DAXX: variants seen among roughly 807,000 people sequenced by gnomAD.
DAXX encodes the protein death domain-associated protein 6.
A neutral mutation model predicts 61.9 loss-of-function variants in DAXX; 24 were observed. The ratio of observed to expected loss-of-function variants is 0.39; its 90% CI spans 0.28 to 0.55. DAXX has a LOEUF of 0.55. Among genes scored for constraint, DAXX ranks in the 20% least tolerant of loss-of-function variants. The pLI, the probability that DAXX is intolerant of heterozygous loss-of-function variation, is 0.69. For missense variants in DAXX, 819 were observed against 935.3 expected (o/e 0.88, Z 1.62); for synonymous variants, 357 against 369.5 (o/e 0.97, Z 0.39).
rs1281765775 is a variant in DAXX at position 33,320,246 on chromosome 6, CT to C, written c.1252-23del. The C allele has an allele frequency of 6.4e-7, 1 of 1,572,916 alleles. No homozygotes were observed. Among genetic ancestry groups the C allele is most frequent in the African/African-American group, 1.4e-5 (1 of 74,030 alleles). On this transcript the variant is annotated intron_variant, in intron 4 of 7. Coordinates refer to ENST00000374542, the MANE Select transcript of DAXX (RefSeq NM_001141969.2). The surrounding 1 kb of genome is among the most constrained non-coding windows in gnomAD (Gnocchi z 7.1). ...GGCCCTGGGAGACAAAGAAGTTTCT[CT>C]AAGGAATCCCTTGCCCCAGAGGGTT... is the stretch of plus-strand genomic sequence containing the variant.
In DAXX at chr6:33,320,426, G is replaced by C. The variant is rs1195948822; in HGVS notation, c.1205C>G (p.Ser402Cys). 2 of 1,613,924 alleles carry C rather than the reference G, an allele frequency of 1.2e-6. No homozygotes were observed. The highest frequency in any genetic ancestry group is 1.7e-4 in the Middle Eastern group (1 of 6,060). Residue 402 changes from serine (S) to cysteine (C), a missense_variant, in exon 4 of 8, where the codon TCT (serine) becomes TGT (cysteine). Physicochemically the swap from Ser to Cys is moderately radical, Grantham distance 112. Transcript: ENST00000374542. This position sits in a 1 kb window ranked among gnomAD's most constrained non-coding sequence, Gnocchi z 7.1. ...TTCGGGGGTGTCTGCAGAGTGGGAAGAGGTGCCTTGGAGCCGAGCTCTTCT... is the reference window on the plus strand; with the variant it reads ...TTCGGGGGTGTCTGCAGAGTGGGAACAGGTGCCTTGGAGCCGAGCTCTTCT... Reference protein sequence around the residue: ...KKRRARLQGTSSHSADTPEAS... With the variant: ...KKRRARLQGTCSHSADTPEAS...
chr6:33,318,586 TTAA>T lies in DAXX; in HGVS notation c.*154_*156del, dbSNP rs1386211576. 4.4e-6 allele frequency: 2 copies of T among 453,200 alleles called. No homozygotes were observed. The highest frequency in any genetic ancestry group is 7.8e-6 in the Non-Finnish European group (2 of 255,244). The allele number at this position is 453,200 out of a possible 1,614,324, so 28.1% of individuals were successfully genotyped here. A position where few individuals can be genotyped will look rare whatever the true frequency, so the allele number is the denominator to read the frequency against. On this transcript the variant is annotated 3_prime_UTR_variant, in exon 8 of 8. Coordinates refer to ENST00000374542, the MANE Select transcript of DAXX (RefSeq NM_001141969.2). ...AGTAAGAAAAGAACTTTATTGTTTATTAATGTTTCTGTGTAAAACTTAAGCTTT... is the reference window on the plus strand; with the variant it reads ...AGTAAGAAAAGAACTTTATTGTTTATTGTTTCTGTGTAAAACTTAAGCTTT...
chr6:33,321,680 C>G lies in DAXX; in HGVS notation c.207+39G>C. 6.2e-7 allele frequency: 1 copy of G among 1,604,650 alleles called. No homozygotes were observed. The highest frequency in any genetic ancestry group is 8.5e-7 in the Non-Finnish European group (1 of 1,173,512). On this transcript the variant is annotated intron_variant, in intron 2 of 7. Transcript: ENST00000374542. The surrounding 1 kb of genome is among the most constrained non-coding windows in gnomAD (Gnocchi z 7.2). ...GACAGGAGAACCAGTCAGCCATCCC[C>G]CTCCCTGGGGTACAACAATCTTCCC...
At position 33,321,977 on chromosome 6, in the gene DAXX, G is replaced by A; in HGVS notation, c.-52C>T. On this transcript the variant is annotated splice_region_variant and 5_prime_UTR_variant, in exon 2 of 8. Transcript: ENST00000374542. This position sits in a 1 kb window ranked among gnomAD's most constrained non-coding sequence, Gnocchi z 7.2. ...AAGTGGTGGGGATTTCAGAATTCCT[G>A]CTGGAAGGGGATGGGGCCTCAGAAT... 6.4e-6 allele frequency: 10 copies of A among 1,568,046 alleles called. No homozygotes were observed. The highest frequency in any genetic ancestry group is 8.6e-6 in the Non-Finnish European group (10 of 1,157,650).
chr6:33,320,611 G>A lies in DAXX; in HGVS notation c.1040-20C>T. 1.9e-6 allele frequency: 3 copies of A among 1,611,458 alleles called. No homozygotes were observed. The highest frequency in any genetic ancestry group is 2.5e-6 in the Non-Finnish European group (3 of 1,178,674). On this transcript the variant is annotated intron_variant, in intron 3 of 7. Coordinates refer to ENST00000374542, the MANE Select transcript of DAXX (RefSeq NM_001141969.2). This position sits in a 1 kb window ranked among gnomAD's most constrained non-coding sequence, Gnocchi z 7.1. ...CAACGCCTACGTGGGAAGACATAAAGTCAGAGCACTCAGCCCTTGAAGGGA... is the reference window on the plus strand; with the variant it reads ...CAACGCCTACGTGGGAAGACATAAAATCAGAGCACTCAGCCCTTGAAGGGA...
At chr6:33,322,796 C>T in intron 1 of DAXX, 66 bp downstream of exon 1, 1 of 772,746 alleles carries the variant, frequency 1.3e-6, no homozygotes, top group Non-Finnish European at 2.1e-6. Flanking sequence ...GCGCCCAGCT[C>T]TCCCCAATAC....
chr6:33,319,990 G>C (rs561526683), intron 5 of DAXX, 21 bp downstream of exon 5: 1 of 1,613,860 alleles, frequency 6.2e-7, no homozygotes, highest in East Asian at 2.2e-5. Context: ...GACAGGTGAG[G>C]AGAATGTTCC....
In DAXX at chr6:33,319,785, T is replaced by C; in HGVS notation, c.1535A>G (p.Lys512Arg). 1.2e-6 allele frequency: 2 copies of C among 1,614,228 alleles called. No individual in the cohort carries two copies. Among genetic ancestry groups the C allele is most frequent in the Non-Finnish European group, 1.7e-6 (2 of 1,180,044 alleles). ...CTCCCCTGAAGATCTGCTGATCTGT[T>C]TGCCAGGTTCCAGGTTCTTTTCATT... ...ISNEKNLEPG[K>R]QISRSSGEQQ... is the part of the protein sequence containing the mutation. The change falls in exon 6 of 8, where the codon AAA (lysine) becomes AGA (arginine). Residue 512 changes from lysine to arginine, a missense_variant. Transcript: ENST00000374542.
rs1358546342 is a variant in DAXX, at chr6:33,320,646, T to C, written c.1040-55A>G. 2.0e-5 allele frequency: 32 copies of C among 1,603,064 alleles called. No homozygotes were observed. The highest frequency in any genetic ancestry group is 2.7e-5 in the Non-Finnish European group (32 of 1,174,338). On this transcript the variant is annotated intron_variant, in intron 3 of 7. Coordinates refer to ENST00000374542, the MANE Select transcript of DAXX (RefSeq NM_001141969.2). The surrounding 1 kb of genome is among the most constrained non-coding windows in gnomAD (Gnocchi z 7.1). ...TCAGCCCTTGAAGGGACTAGAAGAG[T>C]AAAAACCCTAGAAAGGACTAGAGAG...
rs762240849 is a variant in DAXX, at chr6:33,320,120, TTCCTCC to T, written c.1350_1355del (p.Glu456_Glu457del). ...AATCTGTGGCCTCCTCCTCTTCTTCTTCCTCCTCCTCCTCCTCTTCCTCATCACTCT... is the reference window on the plus strand; with the variant it reads ...AATCTGTGGCCTCCTCCTCTTCTTCTTCCTCCTCCTCTTCCTCATCACTCT... On this transcript the variant is annotated inframe_deletion, in exon 5 of 8. Transcript: ENST00000374542. This position sits in a 1 kb window ranked among gnomAD's most constrained non-coding sequence, Gnocchi z 7.1. 4.3e-5 allele frequency: 69 copies of T among 1,613,294 alleles called. No homozygotes were observed. In the African/African-American group the frequency reaches 5.7e-4, roughly 13 times the overall value.
rs1247606795 is a variant in DAXX, at chr6:33,320,268, G to T, written c.1252-44C>A. On this transcript the variant is annotated intron_variant, in intron 4 of 7. Transcript: ENST00000374542. The surrounding 1 kb of genome is among the most constrained non-coding windows in gnomAD (Gnocchi z 7.1). ...TCTCTAAGGAATCCCTTGCCCCAGAGGGTTTGGTTCTTGCTTTCCTTCTCA... is the reference window on the plus strand; with the variant it reads ...TCTCTAAGGAATCCCTTGCCCCAGATGGTTTGGTTCTTGCTTTCCTTCTCA... 6.5e-7 allele frequency: 1 copy of T among 1,531,682 alleles called. No homozygotes were observed. Among genetic ancestry groups the T allele is most frequent in the East Asian group, 2.2e-5 (1 of 44,458 alleles). The allele number at this position is 1,531,682 out of a possible 1,614,324, so 94.9% of individuals were successfully genotyped here.
At chr6:33,318,832 A>G (rs756766573) in intron 7 of DAXX, 30 bp from the exon 8 acceptor site, 21 of 1,377,892 alleles carry the variant, frequency 1.5e-5, no homozygotes, top group Non-Finnish European at 3.0e-6. Flanking sequence ...AAAGAGTCAA[A>G]GAGATCTGGA....
At chr6:33,322,740 T>A in intron 1 of DAXX, 122 bp downstream of exon 1, 160 of 172,384 alleles carry the variant, frequency 9.3e-4, no homozygotes, top group East Asian at 1.8e-3. Flanking sequence ...GCCGCTCCAC[T>A]CCCTTTCAGG....
rs151039809 is a variant in DAXX at position 33,319,663 on chromosome 6, C to T, written c.1657G>A (p.Glu553Lys). Residue 553 changes from glutamate (E) to lysine (K), a missense_variant, in exon 6 of 8, where the codon GAG (glutamate) becomes AAG (lysine). Coordinates refer to ENST00000374542, the MANE Select transcript of DAXX (RefSeq NM_001141969.2). ...CTTTCTTCCTCCAGGGTCAGCTCCT[C>T]AGGCTGTTCTCCATTGCTTTCAGCA... ...IDAESNGEQPEELTLEEESPV... is the reference protein window; with the variant it reads ...IDAESNGEQPKELTLEEESPV... 6.6e-4 allele frequency: 1,067 copies of T among 1,614,044 alleles called. 1 individual carries two copies. Among genetic ancestry groups the T allele is most frequent in the Non-Finnish European group, 7.9e-4 (933 of 1,179,974 alleles).
At position 33,321,085 on chromosome 6, in the gene DAXX, A is replaced by C. The variant is rs1350083129; in HGVS notation, c.690T>G (p.Arg230=). 3.7e-6 allele frequency: 6 copies of C among 1,613,256 alleles called. No homozygotes were observed. Among genetic ancestry groups the C allele is most frequent in the Middle Eastern group, 1.6e-4 (1 of 6,062 alleles). ...GTCGCCCAAAGAGGCGGATCAGCTT[A>C]CGCTTCAACCGTGCCTCCTGCAGGT... ...SAYLQEARLK[R]KLIRLFGRLC... is the part of the protein sequence containing the mutation. The change falls in exon 3 of 8, where the codon CGT becomes CGG. Residue 230 remains arginine, a synonymous_variant. Transcript: ENST00000374542. This position sits in a 1 kb window ranked among gnomAD's most constrained non-coding sequence, Gnocchi z 7.2.
Position 33,319,650 on chromosome 6 carries a change from A to G in DAXX, c.1670T>C (p.Leu557Pro), listed in dbSNP as rs1400373622. 1 of 1,614,024 alleles carries G rather than the reference A, an allele frequency of 6.2e-7. No homozygotes were observed. The highest frequency in any genetic ancestry group is 1.3e-5 in the African/African-American group (1 of 74,922). Reference protein sequence around the residue: ...SNGEQPEELTLEEESPVSQLF... With the variant: ...SNGEQPEELTPEEESPVSQLF... ...CTGAGACACAGGGCTTTCTTCCTCC[A>G]GGGTCAGCTCCTCAGGCTGTTCTCC... Residue 557 changes from leucine (L) to proline (P), a missense_variant, in exon 6 of 8, where the codon CTG becomes CCG. Physicochemically the swap from Leu to Pro is moderately conservative, Grantham distance 98. Coordinates refer to ENST00000374542, the MANE Select transcript of DAXX (RefSeq NM_001141969.2).
At chr6:33,322,389 C>A (rs1770742951) in intron 1 of DAXX, among the ~76,000 whole-genome samples, 1 of 152,102 alleles carries the variant, frequency 6.6e-6, no homozygotes, top group African/African-American at 2.4e-5. Context: ...CAACCCCACA[C>A]CCACCCTATC....
Position 33,320,402 on chromosome 6 carries a change from T to C in DAXX, c.1229A>G (p.Glu410Gly), listed in dbSNP as rs1392135711. 1 of 1,612,550 alleles carries C rather than the reference T, an allele frequency of 6.2e-7. No homozygotes were observed. The highest frequency in any genetic ancestry group is 1.7e-5 in the Admixed American group (1 of 60,018). ...GTSSHSADTP[E>G]ASLDSGEGPS... ...CACCTCACCAGAATCCAAGGAGGCT[T>C]CGGGGGTGTCTGCAGAGTGGGAAGA... The change falls in exon 4 of 8, where the codon GAA (glutamate) becomes GGA (glycine). Residue 410 changes from glutamate (E) to glycine (G), a missense_variant. Physicochemically the swap from Glu to Gly is moderately conservative, Grantham distance 98. Transcript: ENST00000374542. This position sits in a 1 kb window ranked among gnomAD's most constrained non-coding sequence, Gnocchi z 7.1.
At position 33,321,174 on chromosome 6, in the gene DAXX, C is replaced by T; in HGVS notation, c.601G>A (p.Glu201Lys). 6.2e-7 allele frequency: 1 copy of T among 1,613,756 alleles called. No homozygotes were observed. Among genetic ancestry groups the T allele is most frequent in the Non-Finnish European group, 8.5e-7 (1 of 1,179,642 alleles). The change falls in exon 3 of 8, where the codon GAG (glutamate) becomes AAG (lysine). Residue 201 changes from glutamate to lysine, a missense_variant. Glu to Lys is a moderately conservative substitution (Grantham distance 56). Transcript: ENST00000374542. This position sits in a 1 kb window ranked among gnomAD's most constrained non-coding sequence, Gnocchi z 7.2. ...TCCTTTTCCTGCAGCCGCCGGATCT[C>T]TGCCACATAGAGCGCCAGCAGCTGC... ...LEQLLALYVA[E>K]IRRLQEKELD...
Sources: gnomAD v4.1 joint callset for allele counts (sites outside exome capture counted in the v4.1 genomes callset) on GRCh38, gnomAD v4.1.1 for gene constraint, Gnocchi (gnomAD v3.1) non-coding constraint, MANE v1.5 for transcripts, NCBI Gene and HGNC (gene_info 2026-07-23, HGNC 2026-07-21) for gene names.